Variants in PCDHA7 observed in about 807,000 individuals in gnomAD.
The protein encoded by PCDHA7 is protocadherin alpha-7.
PCDHA7 carries 37 observed loss-of-function variants against 57.2 expected under a neutral mutation model. The ratio of observed to expected loss-of-function variants is 0.65; its 90% CI spans 0.50 to 0.85. The LOEUF (loss-of-function observed/expected upper bound fraction) is 0.85, where lower values mean the gene tolerates loss of function less well. PCDHA7 is among the 40% of genes least tolerant of loss of function. The pLI, the probability that PCDHA7 is intolerant of heterozygous loss-of-function variation, is 0.00. For missense variants in PCDHA7, 1,188 were observed against 1,241.8 expected (o/e 0.96, Z 0.65); for synonymous variants, 553 against 558.8 (o/e 0.99, Z 0.15).
intron 1 of PCDHA7, chr5:140,967,098 G>C: frequency 6.2e-7 from 1 of 1,613,130 alleles, no homozygotes; most frequent in Non-Finnish European, 8.5e-7. Flanking sequence ...GAGGCGCTGT[G>C]TGAGCAGCGG....
chr5:140,989,139 C>G (rs1308771993), intron 3 of PCDHA7, among the ~76,000 whole-genome samples: 1 of 152,136 alleles, frequency 6.6e-6, no homozygotes, highest in African/African-American at 2.4e-5. Context: ...ACACTTTATC[C>G]CTTCTTTTGT....
chr5:140,943,257 C>CAAAAAAAA (rs1238620023), intron 1 of PCDHA7, among the ~76,000 whole-genome samples: 2 of 77,482 alleles, frequency 2.6e-5, no homozygotes, highest in Admixed American at 1.5e-4. Flanking sequence ...GACTCTGTCT[C>CAAAAAAAA]AAAAAAAAAA....
intron 3 of PCDHA7, among the ~76,000 whole-genome samples, chr5:141,002,460 C>T (rs1554258683): frequency 2.0e-5 from 3 of 152,174 alleles, no homozygotes; most frequent in African/African-American, 7.2e-5. Context: ...ATTTGTATAA[C>T]GCTTTAGCAT....
chr5:140,852,811 G>A (rs2150522776), intron 1 of PCDHA7: 7 of 973,542 alleles, frequency 7.2e-6, no homozygotes, highest in East Asian at 1.1e-4. Flanking sequence ...TTTGTCTCCC[G>A]CCCTAAGTCC....
At chr5:140,871,648 T>C (rs948584860) in intron 1 of PCDHA7, 2 of 1,275,648 alleles carry the variant, frequency 1.6e-6, no homozygotes, top group Non-Finnish European at 2.1e-6. Context: ...AAATACCAAA[T>C]GATACACATC....
intron 3 of PCDHA7, among the ~76,000 whole-genome samples, chr5:141,007,967 G>A (rs1191510244): frequency 6.6e-6 from 1 of 152,176 alleles, no homozygotes; most frequent in Admixed American, 6.5e-5. Flanking sequence ...TTCTCTGGGT[G>A]TCTGTCATGT....
At chr5:140,861,448 AC>A in intron 1 of PCDHA7, 2 of 493,166 alleles carry the variant, frequency 4.1e-6, no homozygotes, top group Non-Finnish European at 8.3e-6. Context: ...AGCCGCAGAA[AC>A]CTTCTGGAGG....
intron 1 of PCDHA7, chr5:140,852,642 A>T (rs2042423560): frequency 2.1e-6 from 2 of 960,454 alleles, no homozygotes; most frequent in African/African-American, 3.6e-5. Flanking sequence ...CTGTCATTAA[A>T]CCTATCTATA....
chr5:140,928,709 C>T (rs1563108337), intron 1 of PCDHA7: 1 of 1,614,180 alleles, frequency 6.2e-7, no homozygotes, highest in Non-Finnish European at 8.5e-7. Context: ...GCGTCTGACT[C>T]TAGTCTCTTT....
intron 2 of PCDHA7, among the ~76,000 whole-genome samples, chr5:140,982,104 G>A (rs1280175443): frequency 6.6e-6 from 1 of 152,256 alleles, no homozygotes; most frequent in Non-Finnish European, 1.5e-5. Flanking sequence ...GAACCTGCAA[G>A]AGAGGCTTGG....
chr5:140,875,009 G>A (rs1238943643), intron 1 of PCDHA7, among the ~76,000 whole-genome samples: 2 of 152,216 alleles, frequency 1.3e-5, no homozygotes, highest in Admixed American at 6.5e-5. Flanking sequence ...CCATGATAAA[G>A]TGTAGGTTCT....
chr5:140,850,493 G>T, intron 1 of PCDHA7: 4 of 1,598,102 alleles, frequency 2.5e-6, no homozygotes, highest in African/African-American at 1.3e-5. Flanking sequence ...CCACTGTGCT[G>T]GTGTCGCTGG....
intron 1 of PCDHA7, chr5:140,884,560 G>A: frequency 6.2e-7 from 1 of 1,614,132 alleles, no homozygotes; most frequent in African/African-American, 1.3e-5. Context: ...GGGAGGGCCC[G>A]CATAAGACGG....
intron 3 of PCDHA7, among the ~76,000 whole-genome samples, chr5:141,006,730 C>A (rs1222445312): frequency 1.3e-5 from 2 of 151,754 alleles, no homozygotes; most frequent in African/African-American, 4.8e-5. Context: ...AATGACAGGT[C>A]TTGATGATGT....
intron 1 of PCDHA7, chr5:140,877,772 C>A (rs372461540): frequency 1.2e-6 from 2 of 1,614,152 alleles, no homozygotes; most frequent in Non-Finnish European, 1.7e-6. Context: ...CCGCCCAAGA[C>A]GGACCTCATG....
intron 1 of PCDHA7, among the ~76,000 whole-genome samples, chr5:140,958,881 A>G (rs565016962): frequency 2.0e-5 from 3 of 152,092 alleles, no homozygotes; most frequent in Non-Finnish European, 2.9e-5. Flanking sequence ...AGAATTGACC[A>G]GTAGCTATAT....
intron 1 of PCDHA7, chr5:140,841,073 G>A: frequency 2.0e-6 from 1 of 498,500 alleles, no homozygotes; most frequent in East Asian, 3.4e-5. Context: ...TAAAGAAATA[G>A]AAAGTGCATA....
intron 1 of PCDHA7, among the ~76,000 whole-genome samples, chr5:140,938,740 A>T (rs1308554709): frequency 1.3e-5 from 2 of 152,150 alleles, no homozygotes; most frequent in East Asian, 3.8e-4. Flanking sequence ...AAAAATAATT[A>T]TTTTTAAAGG....
intron 1 of PCDHA7, among the ~76,000 whole-genome samples, chr5:140,923,825 G>A (rs2081532169): frequency 6.6e-6 from 1 of 152,224 alleles, no homozygotes; most frequent in East Asian, 1.9e-4. Context: ...ATAGACGTCA[G>A]TGGCAGTTTA....
Sources: allele counts gnomAD v4.1 joint callset (sites outside exome capture counted in the v4.1 genomes callset), GRCh38; gene constraint gnomAD v4.1.1; transcripts MANE v1.5; gene names NCBI Gene and HGNC (gene_info 2026-07-23, HGNC 2026-07-21).